NKD2: variants seen among roughly 807,000 people sequenced by gnomAD.
NKD2 encodes NKD inhibitor of Wnt signaling pathway 2, also known as protein naked cuticle homolog 2.
A neutral mutation model predicts 34.8 loss-of-function variants in NKD2; 43 were observed. The observed-to-expected ratio is 1.24, with a 90% confidence interval of 0.97 to 1.60. NKD2 has a LOEUF of 1.60. Ranked by LOEUF, NKD2 falls within the 40% of genes most tolerant of loss-of-function variation. The probability of loss-of-function intolerance (pLI) is 0.00; values close to 1 mark genes in which losing one functional copy is unlikely to be tolerated. For synonymous variants in NKD2, 278 were observed against 265.1 expected, an observed-to-expected ratio of 1.05 and a Z score of -0.47; for missense variants, 675 against 627.1, an observed-to-expected ratio of 1.08 and a Z score of -0.82.
chr5:1,032,500 G>T (rs1302246523), intron 4 of NKD2, among the ~76,000 whole-genome samples: 6 of 152,228 alleles, frequency 3.9e-5, no homozygotes, highest in African/African-American at 1.4e-4. Context: ...TTTGTGGATG[G>T]GGGTGGCTCT....
chr5:1,038,191 G>GGCCACTC lies in NKD2; in HGVS notation c.1182_1188dup (p.Lys397AlafsTer136). On this transcript the variant is annotated frameshift_variant, in exon 10 of 10. Transcript: ENST00000296849. LOFTEE classifies it low-confidence loss of function (END_TRUNC). The surrounding 1 kb of genome is among the most constrained non-coding windows in gnomAD (Gnocchi z 4.5). ...GCGGTACCGCCAAAAGGGCAGGGAG[G>GGCCACTC]GCCACTCGCCACTCAAGGCCCCACA... 1 of 1,589,102 alleles carries GGCCACTC rather than the reference G, an allele frequency of 6.3e-7. No individual in the cohort carries two copies. The highest frequency in any genetic ancestry group is 8.5e-7 in the Non-Finnish European group (1 of 1,169,744).
In NKD2 at chr5:1,038,522, G is replaced by T; in HGVS notation, c.*149G>T. On this transcript the variant is annotated 3_prime_UTR_variant, in exon 10 of 10. Coordinates refer to ENST00000296849, the MANE Select transcript of NKD2 (RefSeq NM_033120.4). This position sits in a 1 kb window ranked among gnomAD's most constrained non-coding sequence, Gnocchi z 4.5. ...AAACAGCAACTGACTGCAGGTGCTG[G>T]CATGATGGAGGTGGTGCACCTTGGA... The T allele has an allele frequency of 2.0e-6, 3 of 1,474,952 alleles. No homozygotes were observed. The South Asian group carries it at 3.6e-5, about 18-fold the overall frequency. 91.4% of individuals were successfully genotyped at this position (1,474,952 alleles called of 1,614,324 possible).
At chr5:1,015,033 A>C (rs1755892991) in intron 3 of NKD2, among the ~76,000 whole-genome samples, 1 of 152,144 alleles carries the variant, frequency 6.6e-6, no homozygotes, top group Non-Finnish European at 1.5e-5. Context: ...TCCTGTGAGG[A>C]AAGACAAAAG....
At chr5:1,026,522 C>T (rs1248593211) in intron 3 of NKD2, among the ~76,000 whole-genome samples, 3 of 116,072 alleles carry the variant, frequency 2.6e-5, no homozygotes, top group Non-Finnish European at 3.5e-5. Context: ...TCTTCCCACC[C>T]GCTGTGGGTG....
chr5:1,020,417 T>C (rs1434359701), intron 3 of NKD2, among the ~76,000 whole-genome samples: 2 of 152,084 alleles, frequency 1.3e-5, no homozygotes, highest in Non-Finnish European at 2.9e-5. Flanking sequence ...AGACACCTGC[T>C]CTCCACCCCC....
intron 3 of NKD2, among the ~76,000 whole-genome samples, chr5:1,010,374 C>T (rs563783852): frequency 1.3e-4 from 20 of 151,720 alleles, no homozygotes; most frequent in Non-Finnish European, 2.4e-4. Context: ...CCACTGTCCC[C>T]AGAGGTCCCC....
chr5:1,008,984 G>T lies in NKD2; in HGVS notation c.-74G>T, dbSNP rs1435264759. The T allele has an allele frequency of 2.4e-5, 10 of 415,822 alleles. No homozygotes were observed. Among genetic ancestry groups the T allele is most frequent in the Non-Finnish European group, 4.2e-6 (1 of 237,896 alleles). The allele number at this position is 415,822 out of a possible 1,614,324, so 25.8% of individuals were successfully genotyped here. A position where few individuals can be genotyped will look rare whatever the true frequency, so the allele number is the denominator to read the frequency against. Reference sequence around the variant, plus strand: ...CTTGCTCCCGGCCCATGCGGCCCCCGCGGGCTCCCGGCCCCGGCTTCAGAA... The same window carrying T: ...CTTGCTCCCGGCCCATGCGGCCCCCTCGGGCTCCCGGCCCCGGCTTCAGAA... On this transcript the variant is annotated 5_prime_UTR_variant, in exon 1 of 10. Transcript: ENST00000296849.
At chr5:1,010,798 A>C (rs1755722983) in intron 3 of NKD2, among the ~76,000 whole-genome samples, 1 of 152,104 alleles carries the variant, frequency 6.6e-6, no homozygotes, top group Non-Finnish European at 1.5e-5. Context: ...TGATGTGAGC[A>C]CCTGGGGTGG....
At chr5:1,036,409 C>T (rs753648688) in intron 9 of NKD2, 25 bp downstream of exon 9, 13 of 1,599,850 alleles carry the variant, frequency 8.1e-6, no homozygotes, top group South Asian at 6.7e-5. Flanking sequence ...CCACCCTGGG[C>T]GTGAGGCCCT....
chr5:1,036,336 T>A lies in NKD2; in HGVS notation c.739T>A (p.Tyr247Asn). ...VDENTERRNH[Y>N]LDLAGIENYT... is the part of the protein sequence containing the mutation. ...CGAGAACACGGAGCGCAGAAACCAC[T>A]ACCTGGACCTCGCCGGGATTGAGAA... is the stretch of plus-strand genomic sequence containing the variant. Residue 247 changes from tyrosine (Y) to asparagine (N), a missense_variant, in exon 9 of 10, where the codon TAC becomes AAC. Transcript: ENST00000296849. 1 of 1,612,964 alleles carries A rather than the reference T, an allele frequency of 6.2e-7. No individual in the cohort carries two copies. The highest frequency in any genetic ancestry group is 1.1e-5 in the South Asian group (1 of 91,072).
At chr5:1,031,218 C>T (rs1678281162) in intron 3 of NKD2, among the ~76,000 whole-genome samples, 1 of 152,136 alleles carries the variant, frequency 6.6e-6, no homozygotes, top group Admixed American at 6.5e-5. Context: ...GGGCACATGA[C>T]CCCTGGTCAG....
chr5:1,019,915 C>T (rs1055408686), intron 3 of NKD2, among the ~76,000 whole-genome samples: 13 of 152,184 alleles, frequency 8.5e-5, no homozygotes, highest in Non-Finnish European at 1.0e-4. Context: ...TTCGGGTCTG[C>T]TTTCAATCCC....
intron 9 of NKD2, chr5:1,036,913 C>G (rs1733992094): frequency 9.8e-6 from 4 of 408,322 alleles, no homozygotes; most frequent in Non-Finnish European, 2.0e-5. Context: ...GGCAGCCAGG[C>G]AGTGTGGACG....
Position 1,036,286 on chromosome 5 carries a change from C to G in NKD2, c.689C>G (p.Ser230Trp). 1 of 1,611,490 alleles carries G rather than the reference C, an allele frequency of 6.2e-7. No homozygotes were observed. The highest frequency in any genetic ancestry group is 8.5e-7 in the Non-Finnish European group (1 of 1,179,114). The change falls in exon 9 of 10, where the codon TCG becomes TGG. Residue 230 changes from serine (S) to tryptophan (W), a missense_variant. Transcript: ENST00000296849. ...RRPSTDPQPC[S>W]ERGPYCVDEN... is the part of the protein sequence containing the mutation. ...CCCAGTACTGACCCCCAGCCCTGCT[C>G]GGAGCGGGGGCCCTACTGCGTGGAC...
rs149389495 is a variant in NKD2, at chr5:1,015,575, G to A, written c.141+6015G>A. On this transcript the variant is annotated intron_variant, in intron 3 of 9. Transcript: ENST00000296849. ...CATCAGAAACTCCCTGGGTTATGAC[G>A]AAAGGCCTATGACACCCCTAGGGAG... 1.4e-3 allele frequency among the ~76,000 whole-genome samples: 213 copies of A among 152,296 alleles called. 1 individual carries two copies. The highest frequency in any genetic ancestry group is 4.7e-3 in the African/African-American group (195 of 41,564).
rs1161389676 is a variant in NKD2, at chr5:1,009,135, C to T, written c.26-44C>T. ...GGCGGGCGGGCGGGCGTGGGGCCGC[C>T]TCTCACTGTCGTTTTCCTCTCCCCG... On this transcript the variant is annotated intron_variant, in intron 1 of 9. Transcript: ENST00000296849. This position sits in a 1 kb window ranked among gnomAD's most constrained non-coding sequence, Gnocchi z 6.9. 5 of 520,224 alleles carry T rather than the reference C, an allele frequency of 9.6e-6. No homozygotes were observed. In the East Asian group the frequency reaches 1.1e-4, roughly 11 times the overall value. The allele number at this position is 520,224 out of a possible 1,614,324, so 32.2% of individuals were successfully genotyped here.
chr5:1,034,007 C>G (rs913125351), intron 5 of NKD2: 35 of 583,432 alleles, frequency 6.0e-5, no homozygotes, highest in Non-Finnish European at 1.0e-4. Context: ...GTGGGGGAAC[C>G]GAATCACAGG....
At chr5:1,035,685 G>A in intron 8 of NKD2, 1 of 560,684 alleles carries the variant, frequency 1.8e-6, no homozygotes, top group Non-Finnish European at 3.2e-6. Context: ...CTGAGCAGAG[G>A]GCTTTGAGGG....
At chr5:1,031,599 G>A (rs919505131) in intron 3 of NKD2, among the ~76,000 whole-genome samples, 1 of 152,218 alleles carries the variant, frequency 6.6e-6, no homozygotes, top group African/African-American at 2.4e-5. Flanking sequence ...CCTGAAGGCT[G>A]CAGATTATTC....
Sources: allele counts gnomAD v4.1 joint callset (sites outside exome capture counted in the v4.1 genomes callset), GRCh38; gene constraint gnomAD v4.1.1; non-coding constraint Gnocchi (gnomAD v3.1); transcripts MANE v1.5; gene names NCBI Gene and HGNC (gene_info 2026-07-23, HGNC 2026-07-21).